Variants in METTL21A observed in about 807,000 individuals in gnomAD.
METTL21A encodes protein N-lysine methyltransferase METTL21A.
A neutral mutation model predicts 20.9 loss-of-function variants in METTL21A; 22 were observed. The ratio of observed to expected loss-of-function variants is 1.05; its 90% CI spans 0.75 to 1.50. The LOEUF (loss-of-function observed/expected upper bound fraction) is 1.50, where lower values mean the gene tolerates loss of function less well. Among genes scored for constraint, METTL21A ranks in the 40% most tolerant of loss-of-function variants. The pLI is 0.00. For missense variants in METTL21A, 271 were observed against 266.8 expected (o/e 1.02, Z -0.11); for synonymous variants, 93 against 102.0 (o/e 0.91, Z 0.53).
chr2:207,604,733 T>C (rs979379647), downstream of METTL21A, among the ~76,000 whole-genome samples: 6 of 152,192 alleles, frequency 3.9e-5, no homozygotes, highest in Non-Finnish European at 5.9e-5. Context: ...CCCGTTACTC[T>C]CCATTTTCTC....
chr2:207,619,944 G>A (rs1200928477), intron 3 of METTL21A, among the ~76,000 whole-genome samples: 1 of 152,180 alleles, frequency 6.6e-6, no homozygotes, highest in Non-Finnish European at 1.5e-5. Flanking sequence ...TAAGCAACTT[G>A]CCCAAGGTCA....
chr2:207,592,484 C>T (rs1479856686), intron 3 of METTL21A, among the ~76,000 whole-genome samples: 1 of 152,034 alleles, frequency 6.6e-6, no homozygotes, highest in Non-Finnish European at 1.5e-5. Flanking sequence ...TATAATGCTC[C>T]TTTTCTTCCT....
intron 3 of METTL21A, chr2:207,597,570 A>ATTTC (rs1398105184): frequency 2.4e-5 from 5 of 210,186 alleles, no homozygotes; most frequent in Non-Finnish European, 4.8e-5. Context: ...TTGTTAAGAG[A>ATTTC]CATACCCTCT....
chr2:207,594,364 AAAC>A (rs1173108602), intron 3 of METTL21A, among the ~76,000 whole-genome samples: 2 of 152,162 alleles, frequency 1.3e-5, no homozygotes, highest in African/African-American at 4.8e-5. Context: ...TGTACCCGGT[AAAC>A]AACAACTCCC....
At chr2:207,607,394 AAAAGAAAG>A (rs148420908), downstream of METTL21A, among the ~76,000 whole-genome samples, 86 of 151,522 alleles carry the variant, frequency 5.7e-4, no homozygotes, top group Middle Eastern at 3.4e-3. Flanking sequence ...CATCTCAAAA[AAAAGAAAG>A]AAAGAAAGAA....
At chr2:207,592,646 T>C (rs183298784) in intron 3 of METTL21A, among the ~76,000 whole-genome samples, 6 of 152,152 alleles carry the variant, frequency 3.9e-5, no homozygotes, top group Admixed American at 3.9e-4. Flanking sequence ...CTTGGCCAGG[T>C]GCAGTGGCTC....
chr2:207,595,323 A>C (rs2106636780), intron 3 of METTL21A, among the ~76,000 whole-genome samples: 1 of 151,938 alleles, frequency 6.6e-6, no homozygotes, highest in African/African-American at 2.4e-5. Flanking sequence ...TAGGCCATTT[A>C]TATATCTCTG....
intron 3 of METTL21A, among the ~76,000 whole-genome samples, chr2:207,583,751 C>T (rs2083341828): frequency 6.6e-6 from 1 of 152,184 alleles, no homozygotes; most frequent in Non-Finnish European, 1.5e-5. Context: ...TGTCATGTAT[C>T]TGTCACCACA....
chr2:207,593,908 A>G (rs888334097), intron 3 of METTL21A, among the ~76,000 whole-genome samples: 2 of 151,940 alleles, frequency 1.3e-5, no homozygotes, highest in African/African-American at 4.8e-5. Context: ...TAGTAGAGAC[A>G]GAGTTTCGCC....
chr2:207,588,972 C>T (rs1466376969), intron 3 of METTL21A, among the ~76,000 whole-genome samples: 27 of 151,996 alleles, frequency 1.8e-4, no homozygotes, highest in Non-Finnish European at 4.4e-5. Context: ...TATTTCTAAT[C>T]TGCATGCCTT....
intron 3 of METTL21A, among the ~76,000 whole-genome samples, chr2:207,614,053 G>A (rs2089350654): frequency 1.3e-5 from 2 of 152,122 alleles, no homozygotes; most frequent in African/African-American, 4.8e-5. Flanking sequence ...TATTCATTGG[G>A]TCATTATCTT....
chr2:207,624,192 T>C, intron 2 of METTL21A, 37 bp downstream of exon 2: 1 of 1,548,976 alleles, frequency 6.5e-7, no homozygotes, highest in Admixed American at 2.2e-5. Flanking sequence ...GTCTTGCAAG[T>C]GTGAACGTTT....
At chr2:207,589,881 C>T (rs912852453) in intron 3 of METTL21A, among the ~76,000 whole-genome samples, 2 of 152,016 alleles carry the variant, frequency 1.3e-5, no homozygotes, top group African/African-American at 2.4e-5. Context: ...TTTATGTCTA[C>T]GTTTATGGCT....
chr2:207,582,936 C>CAT, intron 3 of METTL21A: 1 of 219,666 alleles, frequency 4.6e-6, no homozygotes, highest in Non-Finnish European at 9.4e-6. Context: ...TATATACATA[C>CAT]ACACACACAT....
intron 3 of METTL21A, among the ~76,000 whole-genome samples, chr2:207,590,952 T>G (rs2084923796): frequency 6.6e-6 from 1 of 152,234 alleles, no homozygotes; most frequent in South Asian, 2.1e-4. Context: ...AAAATTTTTT[T>G]ATTTCCTTTG....
chr2:207,602,430 T>G (rs1260690667), intron 3 of METTL21A: 3 of 198,854 alleles, frequency 1.5e-5, no homozygotes, highest in Admixed American at 6.1e-5. Flanking sequence ...TGAACAATCT[T>G]TTGGAATTGT....
chr2:207,612,910 A>C lies in METTL21A; in HGVS notation c.*136T>G, dbSNP rs1203443122. On this transcript the variant is annotated 3_prime_UTR_variant, in exon 4 of 4. Coordinates refer to ENST00000406927, the Ensembl canonical transcript of METTL21A. Reference sequence around the variant, plus strand: ...AAGCACTGCTTTGTTTTAAAACTGCACATGTGCTTTCTCCCCTGAGAACCT... The same window carrying C: ...AAGCACTGCTTTGTTTTAAAACTGCCCATGTGCTTTCTCCCCTGAGAACCT... 1.7e-5 allele frequency: 15 copies of C among 860,492 alleles called. No homozygotes were observed. The East Asian group carries it at 3.8e-4, about 22-fold the overall frequency. 53.3% of individuals were successfully genotyped at this position (860,492 alleles called of 1,614,324 possible). A position where few individuals can be genotyped will look rare whatever the true frequency, so the allele number is the denominator to read the frequency against.
At chr2:207,582,240 C>A in intron 3 of METTL21A, 1 of 699,218 alleles carries the variant, frequency 1.4e-6, no homozygotes, top group Non-Finnish European at 2.6e-6. Context: ...AGAAGAAGTA[C>A]TTGGAGGCTA....
At chr2:207,604,375 CATCTCG>C (rs2087691647), downstream of METTL21A, among the ~76,000 whole-genome samples, 3 of 152,144 alleles carry the variant, frequency 2.0e-5, no homozygotes, top group Admixed American at 2.0e-4. Flanking sequence ...CTGGTTTTTC[CATCTCG>C]TAAGTGGTGC....
Sources: gnomAD v4.1 joint callset for allele counts (sites outside exome capture counted in the v4.1 genomes callset) on GRCh38, gnomAD v4.1.1 for gene constraint, MANE v1.5 for transcripts, NCBI Gene and HGNC (gene_info 2026-07-23, HGNC 2026-07-21) for gene names.